The following ZNF880 variants were observed in gnomAD, a reference collection of about 807,000 sequenced individuals.
ZNF880 encodes zinc finger protein LOC400713.
ZNF880 carries 12 observed loss-of-function variants against 11.8 expected under a neutral mutation model. The ratio of observed to expected loss-of-function variants is 1.02; its 90% confidence interval spans 0.65 to 1.65. The LOEUF is 1.65. Ranked by LOEUF, ZNF880 falls within the 40% of genes most tolerant of loss-of-function variation. The probability of loss-of-function intolerance (pLI) is 0.00; values close to 1 mark genes in which losing one functional copy is unlikely to be tolerated. For missense variants in ZNF880, 601 were observed against 673.9 expected (o/e 0.89, Z 1.20); for synonymous variants, 210 against 232.4 (o/e 0.90, Z 0.88).
chr19:52,374,522 T>A (rs1477749444), intron 3 of ZNF880, 95 bp downstream of exon 3: 4 of 1,447,438 alleles, frequency 2.8e-6, no homozygotes, highest in African/African-American at 2.8e-5. Context: ...AGAGTGGCAA[T>A]CATCAGTGGC....
chr19:52,375,216 T>C (rs1053440573), intron 3 of ZNF880, among the ~76,000 whole-genome samples: 9 of 151,942 alleles, frequency 5.9e-5, no homozygotes, highest in African/African-American at 2.2e-4. Context: ...AGACAGAGTC[T>C]TGCTCTGTCG....
intron 1 of ZNF880, chr19:52,370,316 C>T: frequency 2.9e-6 from 1 of 345,660 alleles, no homozygotes; most frequent in Non-Finnish European, 5.4e-6. Flanking sequence ...TCCCCCAAGC[C>T]TCGCCCTCTT....
chr19:52,392,340 A>G, the ZNF880 span, among the ~76,000 whole-genome samples: 1 of 151,428 alleles, frequency 6.6e-6, no homozygotes, highest in South Asian at 2.1e-4. Context: ...TCGCTCTGTC[A>G]CCCAGGCTAG....
intron 3 of ZNF880, chr19:52,379,478 C>G (rs1157232789): frequency 2.2e-6 from 1 of 449,672 alleles, no homozygotes; most frequent in Non-Finnish European, 4.5e-6. Context: ...TCACTGCAAC[C>G]TTCGCTTCCT....
In ZNF880 at chr19:52,384,709, G is replaced by A. The variant is rs753088477; in HGVS notation, c.1129G>A (p.Glu377Lys). The change falls in exon 4 of 4, where the codon GAG (glutamate) becomes AAG (lysine). Residue 377 changes from glutamate (E) to lysine (K), a missense_variant. By Grantham distance (56) the Glu-to-Lys change is moderately conservative. Around this residue, in one of 3 missense-constraint regions of ZNF880, gnomAD observed 420 missense variants for 442.6 expected, o/e 0.95. Transcript: ENST00000422689. ...LTRHQRIHTG[E>K]KPYECKECGK... ...CAGACATCAAAGAATCCATACTGGAGAGAAACCTTATGAATGTAAAGAATG... is the reference window on the plus strand; with the variant it reads ...CAGACATCAAAGAATCCATACTGGAAAGAAACCTTATGAATGTAAAGAATG... The A allele has an allele frequency of 3.1e-6, 5 of 1,613,208 alleles. No homozygotes were observed. In the East Asian group the frequency reaches 8.9e-5, roughly 29 times the overall value.
chr19:52,373,416 C>G (rs540849640), intron 2 of ZNF880, among the ~76,000 whole-genome samples, 179 bp downstream of exon 2: 1 of 152,100 alleles, frequency 6.6e-6, no homozygotes. Context: ...AAACAATAAG[C>G]TCCATAATAC....
chr19:52,369,842 T>C (rs1162222886), upstream of ZNF880: 3 of 1,283,412 alleles, frequency 2.3e-6, no homozygotes, highest in South Asian at 2.6e-5. Flanking sequence ...CGAGACGAGC[T>C]GGGAGCGAGG....
chr19:52,373,012 G>A (rs1349661331), intron 1 of ZNF880, 99 bp from the exon 2 acceptor site: 12 of 1,232,584 alleles, frequency 9.7e-6, no homozygotes, highest in Admixed American at 5.3e-5. Flanking sequence ...ATACCTTAAC[G>A]TGGATTTGTC....
At chr19:52,388,289 T>TTTTTTTTTTTTTTTTG (rs1986948537), downstream of ZNF880, among the ~76,000 whole-genome samples, 1 of 78,476 alleles carries the variant, frequency 1.3e-5, no homozygotes, top group African/African-American at 4.0e-5. Context: ...GAACTTTTTT[T>TTTTTTTTTTTTTTTTG]TTTTTTTTTT....
At chr19:52,390,364 G>C (rs954131819), downstream of ZNF880, 10 of 415,918 alleles carry the variant, frequency 2.4e-5, no homozygotes, top group Admixed American at 1.8e-4. Flanking sequence ...TCCTGGTCCT[G>C]GGATCCTGCA....
the ZNF880 span, among the ~76,000 whole-genome samples, chr19:52,392,453 A>G: frequency 6.6e-6 from 1 of 152,062 alleles, no homozygotes; most frequent in African/African-American, 2.4e-5. Context: ...GGCGTCCACC[A>G]CCAAACCTGG....
rs1568666247 is a variant in ZNF880, at chr19:52,385,365, G to A, written c.*51G>A. The A allele has an allele frequency of 6.6e-7, 1 of 1,524,004 alleles. No individual in the cohort carries two copies. Among genetic ancestry groups the A allele is most frequent in the Admixed American group, 2.0e-5 (1 of 49,210 alleles). 94.4% of individuals were successfully genotyped at this position (1,524,004 alleles called of 1,614,324 possible). Reference sequence around the variant, plus strand: ...ATAATTCACACCTTGCACAGCATGAGATAATTCATTCATGAGAGAGTTCTT... The same window carrying A: ...ATAATTCACACCTTGCACAGCATGAAATAATTCATTCATGAGAGAGTTCTT... On this transcript the variant is annotated 3_prime_UTR_variant, in exon 4 of 4. Coordinates refer to ENST00000422689, the MANE Select transcript of ZNF880 (RefSeq NM_001145434.2).
At chr19:52,373,884 T>C (rs1024922896) in intron 2 of ZNF880, among the ~76,000 whole-genome samples, 97 of 151,776 alleles carry the variant, frequency 6.4e-4, no homozygotes, top group Middle Eastern at 3.4e-3. Context: ...TTGGTCAGGC[T>C]AGTCTTGAAC....
Position 52,385,395 on chromosome 19 carries a change from A to G in ZNF880, c.*81A>G. 2 of 1,442,226 alleles carry G rather than the reference A, an allele frequency of 1.4e-6. No homozygotes were observed. The highest frequency in any genetic ancestry group is 1.9e-6 in the Non-Finnish European group (2 of 1,068,474). 89.3% of individuals were successfully genotyped at this position (1,442,226 alleles called of 1,614,324 possible). On this transcript the variant is annotated 3_prime_UTR_variant, in exon 4 of 4. Transcript: ENST00000422689. ...TTCATTCATGAGAGAGTTCTTACAA[A>G]CTGAGTATGGCAAACTCTTCATGCT... is the stretch of plus-strand genomic sequence containing the variant.
At chr19:52,367,079 C>A, upstream of ZNF880, 1 of 311,446 alleles carries the variant, frequency 3.2e-6, no homozygotes, top group East Asian at 5.5e-5. Context: ...TTAGAATGTA[C>A]ATACTTCTCA....
the ZNF880 span, chr19:52,396,839 CAG>C: frequency 0.081 from 12,345 of 152,256 alleles, 645 homozygotes; most frequent in East Asian, 0.23. Flanking sequence ...CAGGCTGAGA[CAG>C]GGGGTCACCT....
In ZNF880 at chr19:52,385,318, G is replaced by A. The variant is rs962275429; in HGVS notation, c.*4G>A. The A allele has an allele frequency of 1.1e-5, 17 of 1,550,450 alleles. No individual in the cohort carries two copies. The African/African-American group carries it at 2.1e-4, about 19-fold the overall frequency. ...TGGAGAGAAACCGTACAGATGAAAT[G>A]TGTGTGGTAAGATCTTTAGTAATAA... On this transcript the variant is annotated 3_prime_UTR_variant, in exon 4 of 4. Coordinates refer to ENST00000422689, the MANE Select transcript of ZNF880 (RefSeq NM_001145434.2).
intron 3 of ZNF880, chr19:52,374,717 A>G: frequency 1.7e-6 from 1 of 602,252 alleles, no homozygotes; most frequent in South Asian, 2.0e-5. Context: ...AAATCCTGTG[A>G]GTTCTGATTG....
intron 3 of ZNF880, among the ~76,000 whole-genome samples, chr19:52,382,838 G>T (rs1048438974): frequency 6.6e-6 from 1 of 152,104 alleles, no homozygotes; most frequent in Admixed American, 6.5e-5. Context: ...TCTTTCCTTA[G>T]ATTGGGGATG....
Sources: allele counts gnomAD v4.1 joint callset (sites outside exome capture counted in the v4.1 genomes callset), GRCh38; gene constraint gnomAD v4.1.1; regional missense constraint gnomAD v4.1.1; transcripts MANE v1.5; gene names NCBI Gene and HGNC (gene_info 2026-07-23, HGNC 2026-07-21).